KCNJ5: variants seen among roughly 807,000 people sequenced by gnomAD.
KCNJ5 encodes the protein potassium inwardly rectifying channel subfamily J member 5.
Under a neutral mutation model 20.2 loss-of-function variants are expected in KCNJ5, and 12 were observed. That is an observed-to-expected ratio of 0.59 (90% CI 0.38 to 0.96). The LOEUF is 0.96. Among genes scored for constraint, KCNJ5 ranks in the 40% least tolerant of loss-of-function variants. KCNJ5 has a pLI of 0.00. For synonymous variants in KCNJ5, 210 were observed against 213.9 expected (o/e 0.98, Z 0.16); for missense variants, 449 against 557.6 (o/e 0.81, Z 1.96).
Position 128,912,164 on chromosome 11 carries a change from A to AGAGTTT in KCNJ5, c.894_899dup (p.Phe299_Glu300dup), listed in dbSNP as rs772118327. ...TGTCTCAGGCTCAGCTGCATCAGGAAGAGTTTGAAGTTGTGGTCATTCTAG... is the reference window on the plus strand; with the variant it reads ...TGTCTCAGGCTCAGCTGCATCAGGAAGAGTTTGAGTTTGAAGTTGTGGTCATTCTAG... On this transcript the variant is annotated inframe_insertion, in exon 2 of 3. Transcript: ENST00000529694. 1.9e-6 allele frequency: 3 copies of AGAGTTT among 1,609,122 alleles called. No individual in the cohort carries two copies. Among genetic ancestry groups the AGAGTTT allele is most frequent in the Non-Finnish European group, 2.5e-6 (3 of 1,180,002 alleles).
chr11:128,915,323 C>T (rs1328306740), intron 2 of KCNJ5, among the ~76,000 whole-genome samples: 1 of 152,180 alleles, frequency 6.6e-6, no homozygotes, highest in Non-Finnish European at 1.5e-5. Context: ...TTGGAGCAGC[C>T]TCAAATCAAG....
chr11:128,915,472 C>T (rs1944563187), intron 2 of KCNJ5, among the ~76,000 whole-genome samples: 1 of 152,212 alleles, frequency 6.6e-6, no homozygotes, highest in Non-Finnish European at 1.5e-5. Context: ...TCTCCGTGTT[C>T]ATTCATGCTG....
At chr11:128,904,141 C>A (rs1377077439) in intron 1 of KCNJ5, among the ~76,000 whole-genome samples, 1 of 152,232 alleles carries the variant, frequency 6.6e-6, no homozygotes, top group Non-Finnish European at 1.5e-5. Flanking sequence ...GAAAAACACT[C>A]AGCACAAAGA....
intron 2 of KCNJ5, among the ~76,000 whole-genome samples, chr11:128,916,118 ATGGATGG>A: frequency 8.0e-6 from 1 of 124,246 alleles, no homozygotes; most frequent in Non-Finnish European, 1.5e-5. Context: ...GGATGGATGG[ATGGATGG>A]ATGGATGGAT....
At position 128,891,425 on chromosome 11, in the gene KCNJ5, C is replaced by CAG. The variant is rs1175062001; in HGVS notation, c.-306_-305insGA. ...ACACACACACACACACACACACACA[C>CAG]ACACACACACACACACAGAGAGAGA... On this transcript the variant is annotated 5_prime_UTR_variant, in exon 1 of 3. Transcript: ENST00000529694. 372 of 106,284 alleles carry CAG rather than the reference C, an allele frequency of 3.5e-3. 2 individuals are homozygous for CAG. The highest frequency in any genetic ancestry group is 4.6e-3 in the African/African-American group (113 of 24,820). The allele number at this position is 106,284 out of a possible 1,614,324, so 6.6% of individuals were successfully genotyped here.
chr11:128,907,448 A>G (rs1944437027), intron 1 of KCNJ5, among the ~76,000 whole-genome samples: 1 of 152,230 alleles, frequency 6.6e-6, no homozygotes, highest in Non-Finnish European at 1.5e-5. Flanking sequence ...TGGATGTCAC[A>G]TTCACTAACG....
chr11:128,891,439 C>CAGAGAGAGAGAGAGAGAGAG lies in KCNJ5; in HGVS notation c.-292_-291insGAGAGAGAGAGAGAGAGAGA, dbSNP rs886048000. 4.4e-5 allele frequency: 3 copies of CAGAGAGAGAGAGAGAGAGAG among 68,774 alleles called. No individual in the cohort carries two copies. Among genetic ancestry groups the CAGAGAGAGAGAGAGAGAGAG allele is most frequent in the African/African-American group, 1.3e-4 (2 of 15,180 alleles). 4.3% of individuals were successfully genotyped at this position (68,774 alleles called of 1,614,324 possible). A position where few individuals can be genotyped will look rare whatever the true frequency, so the allele number is the denominator to read the frequency against. ...ACACACACACACACACACACACACACACAGAGAGAGAGAGAGAGAGAGAGA... is the reference window on the plus strand; with the variant it reads ...ACACACACACACACACACACACACACAGAGAGAGAGAGAGAGAGAGACAGAGAGAGAGAGAGAGAGAGAGA... On this transcript the variant is annotated 5_prime_UTR_variant, in exon 1 of 3. Coordinates refer to ENST00000529694, the MANE Select transcript of KCNJ5 (RefSeq NM_000890.5).
chr11:128,903,855 G>T (rs1408867208), intron 1 of KCNJ5, among the ~76,000 whole-genome samples: 1 of 152,110 alleles, frequency 6.6e-6, no homozygotes, highest in African/African-American at 2.4e-5. Flanking sequence ...CTTGTGCACA[G>T]CGGACCACAT....
chr11:128,910,771 C>T (rs186926855), intron 1 of KCNJ5, among the ~76,000 whole-genome samples: 1,533 of 152,304 alleles, frequency 0.01, 13 homozygotes, highest in Non-Finnish European at 0.013. Flanking sequence ...GTGGAGCTTA[C>T]ATTCTGATGG....
At chr11:128,908,425 T>A (rs527742497) in intron 1 of KCNJ5, among the ~76,000 whole-genome samples, 81 of 152,326 alleles carry the variant, frequency 5.3e-4, no homozygotes, top group African/African-American at 1.9e-3. Context: ...TGAGTCAGAA[T>A]CCAGATGTTA....
At chr11:128,899,985 A>G (rs532247080) in intron 1 of KCNJ5, 1 of 152,278 alleles carries the variant, frequency 6.6e-6, no homozygotes, top group South Asian at 2.1e-4. Flanking sequence ...CCTGCTCCAT[A>G]CGTACAGTCC....
chr11:128,900,129 G>A (rs778786568), intron 1 of KCNJ5: 57 of 152,112 alleles, frequency 3.7e-4, no homozygotes, highest in Non-Finnish European at 6.9e-4. Flanking sequence ...AATATATTTA[G>A]ACTCACTTAG....
rs116401199 is a variant in KCNJ5 at position 128,914,881 on chromosome 11, G to A, written c.938-1528G>A. 7.9e-3 allele frequency among the ~76,000 whole-genome samples: 1,208 copies of A among 152,364 alleles called. 15 individuals carry two copies. The highest frequency in any genetic ancestry group is 0.027 in the African/African-American group (1,120 of 41,590). On this transcript the variant is annotated intron_variant, in intron 2 of 2. Coordinates refer to ENST00000529694, the MANE Select transcript of KCNJ5 (RefSeq NM_000890.5). Reference sequence around the variant, plus strand: ...CCCAAGGCCCTGGGAGGCTGCAGACGTCTGGCATGGTCTAGGCTGCTCAGG... The same window carrying A: ...CCCAAGGCCCTGGGAGGCTGCAGACATCTGGCATGGTCTAGGCTGCTCAGG...
intron 1 of KCNJ5, among the ~76,000 whole-genome samples, chr11:128,894,217 T>A (rs1944137435): frequency 6.6e-6 from 1 of 152,148 alleles, no homozygotes; most frequent in South Asian, 2.1e-4. Flanking sequence ...CAACCATTCA[T>A]TTGGTCACCT....
intron 1 of KCNJ5, chr11:128,902,323 C>T (rs1006098170): frequency 1.0e-5 from 6 of 598,530 alleles, no homozygotes; most frequent in Middle Eastern, 4.5e-4. Context: ...TCTGGAAGGA[C>T]TCAGCGCTTG....
Position 128,918,338 on chromosome 11 carries a change from A to C in KCNJ5, c.*1607A>C, listed in dbSNP as rs1348029207. 1 of 152,160 alleles carries C rather than the reference A, an allele frequency of 6.6e-6. No homozygotes were observed. Among genetic ancestry groups the C allele is most frequent in the East Asian group, 1.9e-4 (1 of 5,172 alleles). The allele number at this position is 152,160 out of a possible 1,614,324, so 9.4% of individuals were successfully genotyped here. ...ATTCGGGGGCAGGGTGAGTGTTAAG[A>C]AAAAAAGAGTAGAGAAGAGCCTGAA... On this transcript the variant is annotated 3_prime_UTR_variant, in exon 3 of 3. Transcript: ENST00000529694.
chr11:128,901,938 G>A (rs1944289626), intron 1 of KCNJ5: 1 of 157,162 alleles, frequency 6.4e-6, no homozygotes, highest in Non-Finnish European at 1.4e-5. Flanking sequence ...GACAAAGACT[G>A]TTCTGAGATC....
In KCNJ5 at chr11:128,916,532, C is replaced by T. The variant is rs761067904; in HGVS notation, c.1061C>T (p.Thr354Ile). Residue 354 changes from threonine to isoleucine, a missense_variant, in exon 3 of 3, where the codon ACC (threonine) becomes ATC (isoleucine). This residue lies in a region of KCNJ5 where 34 missense variants were observed against 63.8 expected (regional missense o/e 0.53). Transcript: ENST00000529694. ...YEVDYNTFHD[T>I]YETNTPSCCA... is the part of the protein sequence containing the mutation. ...GTGGACTACAACACCTTCCATGATA[C>T]CTATGAGACCAACACACCCAGCTGC... 1.2e-6 allele frequency: 2 copies of T among 1,614,160 alleles called. No individual in the cohort carries two copies. Among genetic ancestry groups the T allele is most frequent in the South Asian group, 2.2e-5 (2 of 91,084 alleles).
chr11:128,913,756 A>C (rs890035300), intron 2 of KCNJ5, among the ~76,000 whole-genome samples: 1 of 152,176 alleles, frequency 6.6e-6, no homozygotes, highest in African/African-American at 2.4e-5. Flanking sequence ...AAAAAGCATT[A>C]TGTAGACAGT....
Sources: gnomAD v4.1 joint callset for allele counts (sites outside exome capture counted in the v4.1 genomes callset) on GRCh38, gnomAD v4.1.1 for gene constraint, gnomAD v4.1.1 regional missense constraint, MANE v1.5 for transcripts, NCBI Gene and HGNC (gene_info 2026-07-23, HGNC 2026-07-21) for gene names.